PTOV1: variants seen among roughly 807,000 people sequenced by gnomAD.
PTOV1 encodes the protein prostate tumor-overexpressed gene 1 protein.
PTOV1 carries 20 observed loss-of-function variants against 58.0 expected under a neutral mutation model. The ratio of observed to expected loss-of-function variants is 0.34; its 90% CI spans 0.24 to 0.50. The LOEUF (loss-of-function observed/expected upper bound fraction) is 0.50. Ranked by LOEUF, PTOV1 falls within the 20% of genes least tolerant of loss-of-function variation. The pLI is 0.98. For missense variants in PTOV1, 593 were observed against 565.4 expected, an observed-to-expected ratio of 1.05 and a Z score of -0.50; for synonymous variants, 335 against 234.2, an observed-to-expected ratio of 1.43 and a Z score of -3.93.
At chr19:49,851,577 CG>C in intron 1 of PTOV1, 78 bp downstream of exon 1, 1 of 1,040,652 alleles carries the variant, frequency 9.6e-7, no homozygotes. Context: ...CGCCTTTGTC[CG>C]CAGCCCCCGC....
At chr19:49,851,928 G>A (rs190976169) in intron 1 of PTOV1, 1 of 897,898 alleles carries the variant, frequency 1.1e-6, no homozygotes. Flanking sequence ...CCCAGATGTC[G>A]CACCCGTGGG....
chr19:49,857,158 G>T, intron 6 of PTOV1, 28 bp downstream of exon 6: 1 of 1,612,432 alleles, frequency 6.2e-7, no homozygotes, highest in East Asian at 2.2e-5. Flanking sequence ...AGCCCCTCTG[G>T]GGACAGAGGG....
chr19:49,858,496 G>T (rs545586929), intron 9 of PTOV1, 53 bp from the exon 10 acceptor site: 2 of 1,447,484 alleles, frequency 1.4e-6, no homozygotes, highest in Non-Finnish European at 1.9e-6. Flanking sequence ...GCTGGGAGCC[G>T]GGAGGCCGTG....
intron 4 of PTOV1, 37 bp downstream of exon 4, chr19:49,854,925 A>ACCCCCATGCCTGGCTGACCC (rs1568641130): frequency 1.3e-6 from 2 of 1,496,652 alleles, no homozygotes; most frequent in Non-Finnish European, 1.8e-6. Context: ...CACTCTGAGC[A>ACCCCCATGCCTGGCTGACCC]CCCCCATGCC....
Position 49,855,385 on chromosome 19 carries a change from CAT to C in PTOV1, c.558+310_558+311del, listed in dbSNP as rs2074418597. The C allele has an allele frequency of 1.6e-5, 7 of 429,016 alleles. No homozygotes were observed. In the East Asian group the frequency reaches 3.2e-4, roughly 20 times the overall value. The allele number at this position is 429,016 out of a possible 1,614,324, so 26.6% of individuals were successfully genotyped here. A position where few individuals can be genotyped will look rare whatever the true frequency, so the allele number is the denominator to read the frequency against. On this transcript the variant is annotated intron_variant, in intron 5 of 11. Coordinates refer to ENST00000391842, the Ensembl canonical transcript of PTOV1. ...GGGGCCCAGGAGCCTGTCGGGGACA[CAT>C]AGCGTATGGCAGGGACCTGGTAAAT... is the stretch of plus-strand genomic sequence containing the variant.
chr19:49,859,823 G>C, intron 10 of PTOV1, 163 bp from the exon 11 acceptor site: 1 of 715,310 alleles, frequency 1.4e-6, no homozygotes, highest in South Asian at 1.8e-5. Context: ...CTTGGCCACC[G>C]TGTCATCCCA....
chr19:49,860,653 T>C, exon 12 of PTOV1: 1 of 420,024 alleles, frequency 2.4e-6, no homozygotes, highest in Non-Finnish European at 4.3e-6. Flanking sequence ...GGACTTCAAC[T>C]GCCCAGCAAC....
intron 10 of PTOV1, among the ~76,000 whole-genome samples, chr19:49,859,634 C>G (rs1004422282): frequency 3.3e-5 from 5 of 152,132 alleles, no homozygotes; most frequent in South Asian, 2.1e-4. Flanking sequence ...TCAGCCCTTG[C>G]TTGTGCTGGG....
chr19:49,856,995 C>T (rs1432259210), exon 6 of PTOV1: 3 of 1,613,326 alleles, frequency 1.9e-6, no homozygotes, highest in Admixed American at 1.7e-5. Flanking sequence ...TGCTGTTCCC[C>T]CACATCTCCC....
At chr19:49,860,270 G>A (rs1344319518) in exon 12 of PTOV1, 2 of 1,613,086 alleles carry the variant, frequency 1.2e-6, no homozygotes, top group Non-Finnish European at 1.7e-6. Flanking sequence ...CGCCGTAGAT[G>A]GGGGGGTAGT....
At position 49,860,383 on chromosome 19, in the gene PTOV1, G is replaced by T. The variant is rs535814786; in HGVS notation, c.*104G>T. ...TACAGGAGGGACCCTGGGGCATGTG[G>T]GGGGGGTGGGGTTGGGAAAGAAGCA... On this transcript the variant is annotated 3_prime_UTR_variant, in exon 12 of 12. Coordinates refer to ENST00000391842, the Ensembl canonical transcript of PTOV1. 48 of 1,270,374 alleles carry T rather than the reference G, an allele frequency of 3.8e-5. 2 individuals are homozygous for T. The highest frequency in any genetic ancestry group is 2.7e-4 in the Middle Eastern group (1 of 3,744). 78.7% of individuals were successfully genotyped at this position (1,270,374 alleles called of 1,614,324 possible).
upstream of PTOV1, chr19:49,850,914 G>A: frequency 6.5e-7 from 1 of 1,535,900 alleles, no homozygotes; most frequent in Non-Finnish European, 8.7e-7. Flanking sequence ...CCCCGCAAGG[G>A]GCCAGCTTGG....
chr19:49,856,500 G>A (rs1439160115), intron 5 of PTOV1: 1 of 172,474 alleles, frequency 5.8e-6, no homozygotes, highest in East Asian at 1.6e-4. Flanking sequence ...AGAGGCACCA[G>A]CACTTTATCT....
intron 1 of PTOV1, among the ~76,000 whole-genome samples, 163 bp from the exon 2 acceptor site, chr19:49,854,243 G>A (rs2074366595): frequency 6.6e-6 from 1 of 152,162 alleles, no homozygotes; most frequent in South Asian, 2.1e-4. Flanking sequence ...ACCAGCGTGT[G>A]GGGGTCCTGA....
chr19:49,860,691 A>AGGAC (rs1260455583), exon 12 of PTOV1: 6 of 365,012 alleles, frequency 1.6e-5, no homozygotes, highest in Non-Finnish European at 3.0e-5. Context: ...GAGGCCTCCA[A>AGGAC]GGACGGTCCC....
At chr19:49,857,007 C>A in exon 6 of PTOV1, 1 of 1,613,756 alleles carries the variant, frequency 6.2e-7, no homozygotes, top group South Asian at 1.1e-5. Context: ...ACATCTCCCC[C>A]TGTGAGGTGC....
upstream of PTOV1, chr19:49,850,982 C>G: frequency 6.5e-7 from 1 of 1,535,284 alleles, no homozygotes; most frequent in African/African-American, 1.4e-5. Flanking sequence ...CCGCCACGCC[C>G]CCTGAAGTTG....
In PTOV1 at chr19:49,858,853, CGG is replaced by C. The variant is rs984047285; in HGVS notation, c.1041+204_1041+205del. 3 of 542,008 alleles carry C rather than the reference CGG, an allele frequency of 5.5e-6. No homozygotes were observed. In the African/African-American group the frequency reaches 5.7e-5, roughly 10 times the overall value. 33.6% of individuals were successfully genotyped at this position (542,008 alleles called of 1,614,324 possible). Reference sequence around the variant, plus strand: ...GGATGGGGCACTGACCCTGGTTCTGCGGGGGCCTGCTCCTCCTCTGCCACATC... The same window carrying C: ...GGATGGGGCACTGACCCTGGTTCTGCGGGCCTGCTCCTCCTCTGCCACATC... On this transcript the variant is annotated intron_variant, in intron 10 of 11. Coordinates refer to ENST00000391842, the Ensembl canonical transcript of PTOV1.
In PTOV1 at chr19:49,857,994, G is replaced by A. The variant is rs537423003; in HGVS notation, c.878+17G>A. The A allele has an allele frequency of 3.1e-6, 5 of 1,613,160 alleles. No homozygotes were observed. In the Admixed American group the frequency reaches 5.0e-5, roughly 16 times the overall value. On this transcript the variant is annotated intron_variant, in intron 8 of 11. Coordinates refer to ENST00000391842, the Ensembl canonical transcript of PTOV1. ...GGAGATCCTGTGAGTGCTGGGCTGG[G>A]GGGTGGAGGCAGCATCCAGGGGAGC... is the stretch of plus-strand genomic sequence containing the variant.
Sources: gnomAD v4.1 joint callset for allele counts (sites outside exome capture counted in the v4.1 genomes callset) on GRCh38, gnomAD v4.1.1 for gene constraint, MANE v1.5 for transcripts, NCBI Gene and HGNC (gene_info 2026-07-23, HGNC 2026-07-21) for gene names.